The following GABBR2 variants were observed in gnomAD, a reference collection of about 807,000 sequenced individuals.
GABBR2 encodes G-protein coupled receptor 51.
GABBR2 carries 23 observed loss-of-function variants against 105.6 expected under a neutral mutation model. That is an observed-to-expected ratio of 0.22 (90% CI 0.16 to 0.31). The LOEUF (loss-of-function observed/expected upper bound fraction) is 0.31. Among genes scored for constraint, GABBR2 ranks in the 10% least tolerant of loss-of-function variants. The probability of loss-of-function intolerance (pLI) is 1.00; values close to 1 mark genes in which losing one functional copy is unlikely to be tolerated. For missense variants in GABBR2, 734 were observed against 1,245.5 expected, an observed-to-expected ratio of 0.59 and a Z score of 6.18; for synonymous variants, 478 against 499.7, an observed-to-expected ratio of 0.96 and a Z score of 0.58.
intron 13 of GABBR2, among the ~76,000 whole-genome samples, chr9:98,331,509 T>C (rs1256998473): frequency 7.0e-6 from 1 of 142,660 alleles, no homozygotes; most frequent in Non-Finnish European, 1.5e-5. Flanking sequence ...ACTTGCCACC[T>C]ACACTGCCAT....
At chr9:98,371,378 C>T in intron 12 of GABBR2, 86 bp downstream of exon 12, 1 of 747,902 alleles carries the variant, frequency 1.3e-6, no homozygotes, top group Non-Finnish European at 2.3e-6. Context: ...CAGCAAATAG[C>T]TCAGTGCCTG....
At chr9:98,331,396 CTTTT>C (rs142735341) in intron 13 of GABBR2, among the ~76,000 whole-genome samples, 22,014 of 76,088 alleles carry the variant, frequency 0.29, 788 homozygotes, top group East Asian at 0.43. Flanking sequence ...AGTCCCTCTT[CTTTT>C]TTTTTTTTTT....
At chr9:98,387,505 C>A (rs1564044538) in intron 10 of GABBR2, among the ~76,000 whole-genome samples, 2 of 152,018 alleles carry the variant, frequency 1.3e-5, no homozygotes, top group African/African-American at 4.8e-5. Flanking sequence ...AGTTGCCTCA[C>A]TTTTTTTTGT....
chr9:98,385,500 GT>G lies in GABBR2; in HGVS notation c.1662+139del, dbSNP rs1832056282. ...CAGTAACACCGTTCTTCCCTGTTGA[GT>G]TGAAAACTACTAAATGGGTTGTTCC... On this transcript the variant is annotated intron_variant, in intron 11 of 18. Coordinates refer to ENST00000259455, the MANE Select transcript of GABBR2 (RefSeq NM_005458.8). 7.3e-6 allele frequency: 5 copies of G among 688,174 alleles called. No homozygotes were observed. The South Asian group carries it at 9.1e-5, about 13-fold the overall frequency. The allele number at this position is 688,174 out of a possible 1,614,324, so 42.6% of individuals were successfully genotyped here. A position where few individuals can be genotyped will look rare whatever the true frequency, so the allele number is the denominator to read the frequency against.
intron 7 of GABBR2, among the ~76,000 whole-genome samples, chr9:98,428,664 T>C (rs1187584068): frequency 1.3e-5 from 2 of 152,222 alleles, no homozygotes; most frequent in Non-Finnish European, 1.5e-5. Context: ...ATTCTAGCTA[T>C]GTGATTGGTT....
At chr9:98,512,600 A>G in intron 3 of GABBR2, among the ~76,000 whole-genome samples, 1 of 152,214 alleles carries the variant, frequency 6.6e-6, no homozygotes, top group Non-Finnish European at 1.5e-5. Flanking sequence ...AAGCATTCTT[A>G]TACACCAATA....
chr9:98,404,591 T>C (rs936421629), intron 8 of GABBR2, among the ~76,000 whole-genome samples: 16 of 152,154 alleles, frequency 1.1e-4, no homozygotes, highest in African/African-American at 3.6e-4. Context: ...AACACTGTAT[T>C]GATGAGAGGT....
At chr9:98,473,839 T>G (rs1490230688) in intron 5 of GABBR2, among the ~76,000 whole-genome samples, 1 of 152,222 alleles carries the variant, frequency 6.6e-6, no homozygotes, top group Non-Finnish European at 1.5e-5. Context: ...GCCAGTTTAG[T>G]ATCAACACAA....
chr9:98,421,399 A>G lies in GABBR2; in HGVS notation c.1237-15258T>C, dbSNP rs548882132. On this transcript the variant is annotated intron_variant, in intron 7 of 18. Coordinates refer to ENST00000259455, the MANE Select transcript of GABBR2 (RefSeq NM_005458.8). ...TATTCCAAGGTTTCAGAAGCTGTCC[A>G]GCTCCCTATTCCATTAGTAAGGAAC... 1.2e-4 allele frequency among the ~76,000 whole-genome samples: 19 copies of G among 152,374 alleles called. No homozygotes were observed. The Middle Eastern group carries it at 0.014, about 109-fold the overall frequency.
chr9:98,531,228 G>C lies in GABBR2; in HGVS notation c.630+10645C>G, dbSNP rs756744539. Reference sequence around the variant, plus strand: ...CCTGGCGTTGGCACCACAGACCCACGGCCAGTCACCCTAGCCTCTCTGAGC... The same window carrying C: ...CCTGGCGTTGGCACCACAGACCCACCGCCAGTCACCCTAGCCTCTCTGAGC... On this transcript the variant is annotated intron_variant, in intron 3 of 18. Coordinates refer to ENST00000259455, the MANE Select transcript of GABBR2 (RefSeq NM_005458.8). Among the ~76,000 whole-genome samples, 8 of 152,268 alleles carry C rather than the reference G, an allele frequency of 5.3e-5. No homozygotes were observed. In the East Asian group the frequency reaches 1.5e-3, roughly 29 times the overall value.
At chr9:98,422,009 G>A (rs1409067333) in intron 7 of GABBR2, among the ~76,000 whole-genome samples, 1 of 152,060 alleles carries the variant, frequency 6.6e-6, no homozygotes, top group Non-Finnish European at 1.5e-5. Flanking sequence ...CCTAGACAAA[G>A]GACATCCTGG....
intron 2 of GABBR2, among the ~76,000 whole-genome samples, chr9:98,573,158 C>A (rs1450936028): frequency 2.6e-5 from 4 of 152,192 alleles, no homozygotes; most frequent in Admixed American, 2.0e-4. Flanking sequence ...CTACTGTGAG[C>A]CCAGACCCTG....
intron 13 of GABBR2, among the ~76,000 whole-genome samples, chr9:98,321,413 C>G (rs772231029): frequency 1.3e-5 from 2 of 152,220 alleles, no homozygotes; most frequent in Non-Finnish European, 2.9e-5. Flanking sequence ...CCACCCTCAG[C>G]AGGATGGGGC....
chr9:98,560,393 A>C (rs1169438373), intron 2 of GABBR2, among the ~76,000 whole-genome samples: 1 of 148,394 alleles, frequency 6.7e-6, no homozygotes, highest in Non-Finnish European at 1.5e-5. Flanking sequence ...GCGTGTGCGC[A>C]TACACACATA....
chr9:98,605,605 C>T (rs1362264213), intron 1 of GABBR2, among the ~76,000 whole-genome samples: 1 of 152,124 alleles, frequency 6.6e-6, no homozygotes, highest in Non-Finnish European at 1.5e-5. Flanking sequence ...GGGGCTATGG[C>T]AAGGAGTGCC....
At chr9:98,326,742 T>C (rs1449954422) in intron 13 of GABBR2, among the ~76,000 whole-genome samples, 2 of 152,246 alleles carry the variant, frequency 1.3e-5, no homozygotes, top group African/African-American at 4.8e-5. Context: ...AGGTTCCTTA[T>C]TGGACCTGGC....
At chr9:98,407,973 C>T (rs1832519385) in intron 7 of GABBR2, among the ~76,000 whole-genome samples, 1 of 152,170 alleles carries the variant, frequency 6.6e-6, no homozygotes, top group South Asian at 2.1e-4. Context: ...AGTAGGCCAG[C>T]GTGTCTCACA....
At chr9:98,503,623 T>C (rs563987003) in intron 3 of GABBR2, among the ~76,000 whole-genome samples, 2 of 152,172 alleles carry the variant, frequency 1.3e-5, no homozygotes, top group South Asian at 2.1e-4. Flanking sequence ...CAACTAATAA[T>C]CTGTATTAGT....
At chr9:98,571,426 C>T (rs551651779) in intron 2 of GABBR2, among the ~76,000 whole-genome samples, 7 of 152,274 alleles carry the variant, frequency 4.6e-5, no homozygotes, top group African/African-American at 1.4e-4. Flanking sequence ...TTAAAGAGCC[C>T]AGGTGTCTGG....
Sources: gnomAD v4.1 joint callset for allele counts (sites outside exome capture counted in the v4.1 genomes callset) on GRCh38, gnomAD v4.1.1 for gene constraint, MANE v1.5 for transcripts, NCBI Gene and HGNC (gene_info 2026-07-23, HGNC 2026-07-21) for gene names.